Variants in FILIP1 observed in about 807,000 individuals in gnomAD.
The protein encoded by FILIP1 is filamin A interacting protein 1.
FILIP1 carries 61 observed loss-of-function variants against 102.1 expected under a neutral mutation model. That is an observed-to-expected ratio of 0.60 (90% CI 0.49 to 0.74). The LOEUF (loss-of-function observed/expected upper bound fraction) is 0.74. FILIP1 is among the 30% of genes least tolerant of loss of function. FILIP1 has a pLI of 0.00. For synonymous variants in FILIP1, 491 were observed against 526.9 expected (o/e 0.93, Z 0.93); for missense variants, 1,314 against 1,441.2 (o/e 0.91, Z 1.43).
Position 75,490,664 on chromosome 6 carries a change from T to C in FILIP1, c.-7+2750A>G, listed in dbSNP as rs1211577593. Among the ~76,000 whole-genome samples the C allele has an allele frequency of 8.0e-5, 12 of 150,658 alleles. No individual in the cohort carries two copies. In the East Asian group the frequency reaches 2.3e-3, roughly 29 times the overall value. ...GTGTGTGTGTGTGTGTGTGTGTGTG[T>C]GCATGTGTGCATGCATATATACATA... On this transcript the variant is annotated intron_variant, in intron 1 of 5. Transcript: ENST00000237172.
At chr6:75,300,161 A>G (rs775776461) in intron 6 of FILIP1, among the ~76,000 whole-genome samples, 6 of 152,212 alleles carry the variant, frequency 3.9e-5, no homozygotes, top group Non-Finnish European at 7.3e-5. Context: ...ATAAGGCCAC[A>G]TCACTTTAAT....
intron 2 of FILIP1, among the ~76,000 whole-genome samples, chr6:75,382,460 T>C (rs1438947886): frequency 6.6e-6 from 1 of 152,216 alleles, no homozygotes; most frequent in East Asian, 1.9e-4. Context: ...CCATCAGAGC[T>C]TTTCACTGAC....
chr6:75,299,504 T>C (rs1218050348), intron 6 of FILIP1, among the ~76,000 whole-genome samples: 1 of 152,170 alleles, frequency 6.6e-6, no homozygotes, highest in African/African-American at 2.4e-5. Flanking sequence ...AATTTCCTTT[T>C]TTTCTAATTG....
chr6:75,376,712 C>T (rs1460701150), intron 2 of FILIP1, among the ~76,000 whole-genome samples: 1 of 152,044 alleles, frequency 6.6e-6, no homozygotes, highest in East Asian at 1.9e-4. Context: ...ACATTTTTTT[C>T]TCATCCCTGT....
intron 6 of FILIP1, among the ~76,000 whole-genome samples, chr6:75,301,278 G>A (rs1395961676): frequency 6.6e-6 from 1 of 152,114 alleles, no homozygotes; most frequent in East Asian, 1.9e-4. Flanking sequence ...GTATTATTTT[G>A]ATCCAATGAG....
intron 4 of FILIP1, among the ~76,000 whole-genome samples, chr6:75,316,676 T>A (rs1773460045): frequency 6.6e-6 from 1 of 152,164 alleles, no homozygotes; most frequent in Admixed American, 6.5e-5. Flanking sequence ...CATGATTGTG[T>A]CTCAGCATCT....
At chr6:75,316,396 TCTGA>T (rs1470800029) in intron 4 of FILIP1, among the ~76,000 whole-genome samples, 15 of 152,298 alleles carry the variant, frequency 9.8e-5, no homozygotes, top group African/African-American at 3.4e-4. Flanking sequence ...CCTTTACTAT[TCTGA>T]CTGATTAATT....
At chr6:75,472,675 T>C (rs1046278143) in intron 1 of FILIP1, among the ~76,000 whole-genome samples, 5 of 152,188 alleles carry the variant, frequency 3.3e-5, no homozygotes, top group African/African-American at 1.2e-4. Flanking sequence ...TTCATGAATG[T>C]ACTAATTTTT....
chr6:75,458,384 C>A (rs1444070597), intron 1 of FILIP1: 1 of 152,124 alleles, frequency 6.6e-6, no homozygotes, highest in Non-Finnish European at 1.5e-5. Context: ...ATTCTTTCTT[C>A]TTCTTTTTAT....
chr6:75,453,806 A>G (rs1778722571), intron 1 of FILIP1, among the ~76,000 whole-genome samples: 4 of 150,954 alleles, frequency 2.6e-5, no homozygotes, highest in African/African-American at 7.3e-5. Flanking sequence ...GGAGAAAGAG[A>G]AAAAAAAATC....
At chr6:75,306,306 G>A (rs545525416), downstream of FILIP1, among the ~76,000 whole-genome samples, 1 of 152,274 alleles carries the variant, frequency 6.6e-6, no homozygotes, top group South Asian at 2.1e-4. Context: ...GCACTCTCCT[G>A]TAGATGGTAT....
At chr6:75,454,979 C>T (rs1471853577) in intron 1 of FILIP1, 4 of 152,080 alleles carry the variant, frequency 2.6e-5, no homozygotes, top group South Asian at 2.1e-4. Context: ...GGATAAGATC[C>T]GATCCTACAG....
At chr6:75,412,566 G>C (rs1027617162) in intron 2 of FILIP1, among the ~76,000 whole-genome samples, 1 of 151,916 alleles carries the variant, frequency 6.6e-6, no homozygotes, top group Non-Finnish European at 1.5e-5. Context: ...ATTTTTACCA[G>C]TCCACCCACA....
At chr6:75,392,788 C>T (rs769700206) in intron 2 of FILIP1, among the ~76,000 whole-genome samples, 1 of 152,118 alleles carries the variant, frequency 6.6e-6, no homozygotes, top group African/African-American at 2.4e-5. Context: ...CCATGCTGTT[C>T]TCATGATAGT....
At chr6:75,432,268 T>C (rs768732140) in intron 1 of FILIP1, among the ~76,000 whole-genome samples, 1 of 152,260 alleles carries the variant, frequency 6.6e-6, no homozygotes, top group Non-Finnish European at 1.5e-5. Context: ...GATGTAAATG[T>C]TACCTATGAA....
At chr6:75,360,278 A>T (rs1458837090) in intron 3 of FILIP1, among the ~76,000 whole-genome samples, 4 of 152,220 alleles carry the variant, frequency 2.6e-5, no homozygotes, top group African/African-American at 4.8e-5. Flanking sequence ...TTGCTTGAGA[A>T]AAATGTATCT....
At chr6:75,400,037 G>C (rs1776598790) in intron 2 of FILIP1, among the ~76,000 whole-genome samples, 1 of 152,040 alleles carries the variant, frequency 6.6e-6, no homozygotes, top group African/African-American at 2.4e-5. Flanking sequence ...CTGGTTCCTG[G>C]CTGAGAGACA....
At chr6:75,480,016 T>C (rs1446193355) in intron 1 of FILIP1, among the ~76,000 whole-genome samples, 7 of 152,042 alleles carry the variant, frequency 4.6e-5, no homozygotes, top group Non-Finnish European at 1.0e-4. Flanking sequence ...CATTCAGTTT[T>C]TATGGAATCA....
chr6:75,419,416 A>T (rs1038727564), intron 1 of FILIP1, among the ~76,000 whole-genome samples: 1 of 152,066 alleles, frequency 6.6e-6, no homozygotes, highest in Non-Finnish European at 1.5e-5. Context: ...ATCTATATAT[A>T]TTTTCAAGAA....
Sources: allele counts gnomAD v4.1 joint callset (sites outside exome capture counted in the v4.1 genomes callset), GRCh38; gene constraint gnomAD v4.1.1; transcripts MANE v1.5; gene names NCBI Gene and HGNC (gene_info 2026-07-23, HGNC 2026-07-21).